SUSD1: variants seen among roughly 807,000 people sequenced by gnomAD.
The protein encoded by SUSD1 is sushi domain-containing protein 1.
SUSD1 carries 65 observed loss-of-function variants against 86.9 expected under a neutral mutation model. The observed-to-expected ratio is 0.75, with a 90% confidence interval of 0.61 to 0.92. The LOEUF (loss-of-function observed/expected upper bound fraction) is 0.92. Among genes scored for constraint, SUSD1 ranks in the 40% least tolerant of loss-of-function variants. The pLI, the probability that SUSD1 is intolerant of heterozygous loss-of-function variation, is 0.00. For missense variants in SUSD1, 850 were observed against 929.7 expected, an observed-to-expected ratio of 0.91 and a Z score of 1.11; for synonymous variants, 346 against 350.0, an observed-to-expected ratio of 0.99 and a Z score of 0.13.
chr9:112,067,625 C>T (rs2131517562), intron 12 of SUSD1, among the ~76,000 whole-genome samples: 1 of 152,236 alleles, frequency 6.6e-6, no homozygotes, highest in African/African-American at 2.4e-5. Context: ...AATGCTAAAC[C>T]CCTTGGGTGG....
intron 10 of SUSD1, among the ~76,000 whole-genome samples, chr9:112,084,593 T>A (rs1829899559): frequency 6.6e-6 from 1 of 152,082 alleles, no homozygotes; most frequent in African/African-American, 2.4e-5. Flanking sequence ...TTCGCTTCCC[T>A]CCATTCAAGT....
chr9:112,147,464 C>T (rs1234835370), intron 3 of SUSD1, among the ~76,000 whole-genome samples: 1 of 152,130 alleles, frequency 6.6e-6, no homozygotes, highest in African/African-American at 2.4e-5. Flanking sequence ...TTGCAGTGAG[C>T]CGTGATTGTG....
intron 1 of SUSD1, among the ~76,000 whole-genome samples, chr9:112,169,594 C>T (rs1203483894): frequency 3.3e-5 from 5 of 151,968 alleles, no homozygotes; most frequent in East Asian, 1.9e-4. Flanking sequence ...CTACGGTTCA[C>T]GTCAGGCAGT....
intron 10 of SUSD1, among the ~76,000 whole-genome samples, chr9:112,088,844 G>A (rs1208067858): frequency 3.3e-5 from 5 of 151,806 alleles, no homozygotes; most frequent in Admixed American, 6.6e-5. Context: ...GGTGGTTCCC[G>A]CCTGTAATCC....
chr9:112,061,548 G>A (rs1248194766), intron 13 of SUSD1, among the ~76,000 whole-genome samples: 1 of 152,138 alleles, frequency 6.6e-6, no homozygotes, highest in African/African-American at 2.4e-5. Flanking sequence ...GTCATTATTT[G>A]ACATAAATAT....
intron 10 of SUSD1, among the ~76,000 whole-genome samples, chr9:112,086,269 G>A (rs1453085097): frequency 2.0e-5 from 3 of 147,040 alleles, no homozygotes; most frequent in African/African-American, 7.5e-5. Context: ...AGTGAGATGT[G>A]TCCTGCCAGG....
At chr9:112,042,534 A>G (rs1827788225) in intron 15 of SUSD1, among the ~76,000 whole-genome samples, 1 of 152,220 alleles carries the variant, frequency 6.6e-6, no homozygotes, top group Non-Finnish European at 1.5e-5. Flanking sequence ...GGGGACCATC[A>G]CATGCCAACT....
chr9:112,080,213 A>C, intron 10 of SUSD1, 48 bp from the exon 11 acceptor site: 1 of 1,392,620 alleles, frequency 7.2e-7, no homozygotes, highest in Non-Finnish European at 1.0e-6. Flanking sequence ...TATAGAAAAA[A>C]TGCTACCTTT....
In SUSD1 at chr9:112,157,523, C is replaced by G; in HGVS notation, c.194G>C (p.Gly65Ala). ...ACCAACACACTGAGTCCTCCCGTTC[C>G]CTACAAATCCATAGTTGCAAATACA... ...KICICNYGFV[G>A]NGRTQCVDKN... Residue 65 changes from glycine (G) to alanine (A), a missense_variant, in exon 2 of 17, where the codon GGG (glycine) becomes GCG (alanine). Transcript: ENST00000374270. 6.2e-7 allele frequency: 1 copy of G among 1,614,018 alleles called. No homozygotes were observed. Among genetic ancestry groups the G allele is most frequent in the African/African-American group, 1.3e-5 (1 of 75,046 alleles).
chr9:112,151,604 A>T (rs1473679076), intron 2 of SUSD1, among the ~76,000 whole-genome samples: 1 of 150,232 alleles, frequency 6.7e-6, no homozygotes, highest in African/African-American at 2.5e-5. Flanking sequence ...CTCAAAAAAA[A>T]AAAAGTATCT....
chr9:112,148,686 A>T (rs1386753240), intron 3 of SUSD1, among the ~76,000 whole-genome samples: 1 of 152,132 alleles, frequency 6.6e-6, no homozygotes, highest in African/African-American at 2.4e-5. Context: ...CGGGCAGATC[A>T]CTTGAGGCCA....
chr9:112,048,318 G>A (rs760956400), intron 15 of SUSD1, among the ~76,000 whole-genome samples: 39 of 152,140 alleles, frequency 2.6e-4, no homozygotes, highest in Admixed American at 7.2e-4. Flanking sequence ...AAGGAATTTG[G>A]GAACCATATT....
intron 15 of SUSD1, among the ~76,000 whole-genome samples, chr9:112,044,337 G>A (rs1827867352): frequency 6.6e-6 from 1 of 152,168 alleles, no homozygotes; most frequent in Admixed American, 6.5e-5. Flanking sequence ...CACTGCCTGT[G>A]TGACTTTGTG....
At chr9:112,068,687 T>C (rs1431970736) in intron 12 of SUSD1, among the ~76,000 whole-genome samples, 4 of 141,718 alleles carry the variant, frequency 2.8e-5, no homozygotes, top group African/African-American at 1.1e-4. Context: ...GGGCAACAGC[T>C]AGACCCTGTC....
chr9:112,087,450 G>A (rs1830033031), intron 10 of SUSD1, among the ~76,000 whole-genome samples: 1 of 152,036 alleles, frequency 6.6e-6, no homozygotes, highest in African/African-American at 2.4e-5. Flanking sequence ...CAAAGTGCTG[G>A]GATTACAGGT....
intron 14 of SUSD1, among the ~76,000 whole-genome samples, chr9:112,054,878 G>A (rs1828379727): frequency 6.6e-6 from 1 of 152,152 alleles, no homozygotes; most frequent in African/African-American, 2.4e-5. Flanking sequence ...AGGACACTAT[G>A]TATAGTAAAA....
intron 8 of SUSD1, among the ~76,000 whole-genome samples, chr9:112,110,203 G>C (rs1831030439): frequency 6.6e-6 from 1 of 152,070 alleles, no homozygotes; most frequent in South Asian, 2.1e-4. Context: ...ACAAAAAATA[G>C]CCAGGCACGG....
At chr9:112,120,786 T>C (rs530055983) in intron 6 of SUSD1, among the ~76,000 whole-genome samples, 3 of 152,340 alleles carry the variant, frequency 2.0e-5, no homozygotes, top group Admixed American at 6.5e-5. Context: ...CTATGCCCCA[T>C]GCAGATCCAC....
At chr9:112,085,996 C>A (rs755455713) in intron 10 of SUSD1, among the ~76,000 whole-genome samples, 3 of 151,760 alleles carry the variant, frequency 2.0e-5, no homozygotes, top group Non-Finnish European at 4.4e-5. Context: ...AAATAGAAAA[C>A]ATTACAAACT....
Sources: gnomAD v4.1 joint callset for allele counts (sites outside exome capture counted in the v4.1 genomes callset) on GRCh38, gnomAD v4.1.1 for gene constraint, MANE v1.5 for transcripts, NCBI Gene and HGNC (gene_info 2026-07-23, HGNC 2026-07-21) for gene names.